Variants in PXN observed in about 807,000 individuals in gnomAD.
PXN encodes paxillin.
In PXN, 61 loss-of-function variants were observed where a neutral mutation model predicts 103.6. That is an observed-to-expected ratio of 0.59 (90% CI 0.48 to 0.73). The LOEUF is 0.73. Ranked by LOEUF, PXN falls within the 30% of genes least tolerant of loss-of-function variation. PXN has a pLI of 0.00. For synonymous variants in PXN, 562 were observed against 607.8 expected, an observed-to-expected ratio of 0.92 and a Z score of 1.11; for missense variants, 1,274 against 1,460.3, an observed-to-expected ratio of 0.87 and a Z score of 2.08.
In PXN at chr12:120,265,633, C is replaced by G; in HGVS notation, c.-4G>C. The G allele has an allele frequency of 6.8e-7, 1 of 1,479,048 alleles. No homozygotes were observed. Among genetic ancestry groups the G allele is most frequent in the Non-Finnish European group, 8.9e-7 (1 of 1,120,312 alleles). 91.6% of individuals were successfully genotyped at this position (1,479,048 alleles called of 1,614,324 possible). A position where few individuals can be genotyped will look rare whatever the true frequency, so the allele number is the denominator to read the frequency against. ...CTCACTCACCGAGGTCGTCCATGGC[C>G]GGACCACGGGCGCCGGCTCAGGGTC... On this transcript the variant is annotated 5_prime_UTR_variant, in exon 1 of 15. Transcript: ENST00000637617. This position sits in a 1 kb window ranked among gnomAD's most constrained non-coding sequence, Gnocchi z 5.7.
chr12:120,231,120 G>A (rs956900213), intron 1 of PXN, among the ~76,000 whole-genome samples: 5 of 152,152 alleles, frequency 3.3e-5, no homozygotes, highest in African/African-American at 9.7e-5. Context: ...CAGGCCCAGC[G>A]GATGAGTGGG....
intron 1 of PXN, among the ~76,000 whole-genome samples, chr12:120,253,378 C>T (rs1323375934): frequency 6.6e-6 from 1 of 151,710 alleles, no homozygotes; most frequent in Admixed American, 6.6e-5. Context: ...GAGGCTGAGA[C>T]AGGAGAATTG....
chr12:120,252,577 A>G (rs1892360439), intron 1 of PXN, among the ~76,000 whole-genome samples: 2 of 152,290 alleles, frequency 1.3e-5, no homozygotes, highest in South Asian at 4.1e-4. Flanking sequence ...CAGAGACTGC[A>G]ATACAAGATA....
chr12:120,227,273 G>A (rs1887069698), intron 1 of PXN, among the ~76,000 whole-genome samples: 1 of 152,116 alleles, frequency 6.6e-6, no homozygotes, highest in Non-Finnish European at 1.5e-5. Flanking sequence ...GGCTGAGGTG[G>A]GAGGATCACT....
rs1244685165 is a variant in PXN at position 120,228,616 on chromosome 12, C to T, written c.14-4239G>A. 6.6e-6 allele frequency among the ~76,000 whole-genome samples: 1 copy of T among 152,160 alleles called. No homozygotes were observed. The highest frequency in any genetic ancestry group is 6.5e-5 in the Admixed American group (1 of 15,282). ...AGACTGGGGAGCCCCTGGCCATGGG[C>T]GCAGTGGGGAAGTTTCTATCCTTAG... On this transcript the variant is annotated intron_variant, in intron 1 of 14. Coordinates refer to ENST00000637617, the MANE Select transcript of PXN (RefSeq NM_001385981.1). This position sits in a 1 kb window ranked among gnomAD's most constrained non-coding sequence, Gnocchi z 4.7.
At chr12:120,250,100 G>A (rs1891905237) in intron 1 of PXN, 1 of 985,694 alleles carries the variant, frequency 1.0e-6, no homozygotes, top group African/African-American at 1.7e-5. Context: ...AGCTGTCCCA[G>A]AGCACATCAG....
chr12:120,261,430 A>G (rs2136724373), intron 1 of PXN, among the ~76,000 whole-genome samples: 1 of 152,216 alleles, frequency 6.6e-6, no homozygotes, highest in Admixed American at 6.5e-5. Context: ...ACCTCAAAAG[A>G]TGCACCCACT....
At position 120,225,899 on chromosome 12, in the gene PXN, C is replaced by T; in HGVS notation, c.14-1522G>A. On this transcript the variant is annotated intron_variant, in intron 1 of 14. Transcript: ENST00000637617. The surrounding 1 kb of genome is among the most constrained non-coding windows in gnomAD (Gnocchi z 4.4). ...CCTGATCTCCTACCCTCAAGGCTGGCCACACCTACCCCATGCTCCTGCCCA... is the reference window on the plus strand; with the variant it reads ...CCTGATCTCCTACCCTCAAGGCTGGTCACACCTACCCCATGCTCCTGCCCA... The T allele has an allele frequency of 4.1e-6, 1 of 245,328 alleles. No homozygotes were observed. The highest frequency in any genetic ancestry group is 6.9e-6 in the Non-Finnish European group (1 of 145,370). The allele number at this position is 245,328 out of a possible 1,614,324, so 15.2% of individuals were successfully genotyped here.
chr12:120,233,936 C>A (rs1276289862), intron 1 of PXN, among the ~76,000 whole-genome samples: 1 of 152,086 alleles, frequency 6.6e-6, no homozygotes, highest in African/African-American at 2.4e-5. Flanking sequence ...ATCCATACCC[C>A]CAGGGGACAG....
chr12:120,262,973 C>T (rs1234602598), intron 1 of PXN, among the ~76,000 whole-genome samples: 6 of 152,176 alleles, frequency 3.9e-5, no homozygotes, highest in African/African-American at 1.2e-4. Context: ...GTGAGTCTGT[C>T]ATTGGCAACT....
At position 120,217,118 on chromosome 12, in the gene PXN, TA is replaced by T; in HGVS notation, c.1717-3del. The T allele has an allele frequency of 6.3e-7, 1 of 1,579,944 alleles. No individual in the cohort carries two copies. The highest frequency in any genetic ancestry group is 8.5e-7 in the Non-Finnish European group (1 of 1,171,266). On this transcript the variant is annotated splice_polypyrimidine_tract_variant and splice_region_variant and intron_variant, in intron 7 of 14. Coordinates refer to ENST00000637617, the MANE Select transcript of PXN (RefSeq NM_001385981.1). The surrounding 1 kb of genome is among the most constrained non-coding windows in gnomAD (Gnocchi z 4.1). ...GCTCCTCCTGATCACAGATCGGATC[TA>T]GGGGGAGGGGGAGGGGAGGCTGTCA...
chr12:120,213,953 C>T lies in PXN; in HGVS notation c.2868G>A (p.Lys956=). Residue 956 remains lysine (K), a synonymous_variant, in exon 14 of 15, where the codon AAG becomes AAA. Transcript: ENST00000637617. The surrounding 1 kb of genome is among the most constrained non-coding windows in gnomAD (Gnocchi z 4.2). ...TGGGTGCGAACATGTCGAAGTAGTC[C>T]TTGCGACAGTAGGCCTTGCCGTCCT... ...HEKDGKAYCR[K]DYFDMFAPKC... 1 of 1,612,626 alleles carries T rather than the reference C, an allele frequency of 6.2e-7. No individual in the cohort carries two copies. The highest frequency in any genetic ancestry group is 1.1e-5 in the South Asian group (1 of 90,630).
Position 120,212,477 on chromosome 12 carries a change from C to A in PXN, c.3083G>T (p.Cys1028Phe). ...HERRGSLCSG[C>F]QKPITGRCIT... ...GCAGCGGCCGGTGATGGGCTTCTGG[C>A]AGCCAGAACACAGCGAGCCGCGCCG... is the stretch of plus-strand genomic sequence containing the variant. Residue 1028 changes from cysteine to phenylalanine, a missense_variant, in exon 15 of 15, where the codon TGC (cysteine) becomes TTC (phenylalanine). By Grantham distance (205) the Cys-to-Phe change is radical. Transcript: ENST00000637617. The surrounding 1 kb of genome is among the most constrained non-coding windows in gnomAD (Gnocchi z 7.2). 6.2e-7 allele frequency: 1 copy of A among 1,613,954 alleles called. No homozygotes were observed. The highest frequency in any genetic ancestry group is 8.5e-7 in the Non-Finnish European group (1 of 1,179,886).
At chr12:120,258,535 G>A (rs1300990084) in intron 1 of PXN, among the ~76,000 whole-genome samples, 1 of 152,086 alleles carries the variant, frequency 6.6e-6, no homozygotes, top group African/African-American at 2.4e-5. Context: ...ATAGGCAGGC[G>A]CAGGCCAGCA....
At chr12:120,242,586 A>G (rs990032610) in intron 1 of PXN, among the ~76,000 whole-genome samples, 1 of 152,090 alleles carries the variant, frequency 6.6e-6, no homozygotes, top group Non-Finnish European at 1.5e-5. Flanking sequence ...GACTTTGCAC[A>G]GATAAAGCTC....
intron 2 of PXN, 105 bp from the exon 3 acceptor site, chr12:120,223,938 T>A: frequency 1.0e-6 from 1 of 953,222 alleles, no homozygotes. Context: ...ACAGCCAGTC[T>A]CACCAGGGAA....
At position 120,252,405 on chromosome 12, in the gene PXN, T is replaced by C. The variant is rs533545221; in HGVS notation, c.13+13212A>G. ...GCAGGAGGGTCAACAGGCTGGTTAG[T>C]TTTATCGGGGAAAAAAGCCTTCTCA... On this transcript the variant is annotated intron_variant, in intron 1 of 14. Transcript: ENST00000637617. Among the ~76,000 whole-genome samples, 7 of 152,122 alleles carry C rather than the reference T, an allele frequency of 4.6e-5. No homozygotes were observed. The South Asian group carries it at 1.2e-3, about 27-fold the overall frequency.
At chr12:120,243,712 G>A (rs75477643) in intron 1 of PXN, among the ~76,000 whole-genome samples, 1,698 of 152,172 alleles carry the variant, frequency 0.011, 29 homozygotes, top group African/African-American at 0.038. Flanking sequence ...ACAAAACAGA[G>A]TCAGTTTAGG....
intron 1 of PXN, among the ~76,000 whole-genome samples, chr12:120,261,911 A>G (rs1893940338): frequency 6.6e-6 from 1 of 152,190 alleles, no homozygotes; most frequent in South Asian, 2.1e-4. Context: ...CAAACCCACC[A>G]AGGTTTGAAT....
Sources: gnomAD v4.1 joint callset for allele counts (sites outside exome capture counted in the v4.1 genomes callset) on GRCh38, gnomAD v4.1.1 for gene constraint, Gnocchi (gnomAD v3.1) non-coding constraint, MANE v1.5 for transcripts, NCBI Gene and HGNC (gene_info 2026-07-23, HGNC 2026-07-21) for gene names.